Variants in KCND2 observed in about 807,000 individuals in gnomAD.
The protein encoded by KCND2 is A-type voltage-gated potassium channel KCND2.
In KCND2, 16 loss-of-function variants were observed where a neutral mutation model predicts 54.4. That is an observed-to-expected ratio of 0.29 (90% CI 0.20 to 0.45). The LOEUF (loss-of-function observed/expected upper bound fraction) is 0.45, where lower values mean the gene tolerates loss of function less well. KCND2 is among the 20% of genes least tolerant of loss of function. KCND2 has a pLI of 1.00. For synonymous variants in KCND2, 317 were observed against 310.7 expected, an observed-to-expected ratio of 1.02 and a Z score of -0.21; for missense variants, 486 against 824.2, an observed-to-expected ratio of 0.59 and a Z score of 5.02.
At chr7:120,707,789 T>C (rs2116054704) in intron 1 of KCND2, among the ~76,000 whole-genome samples, 1 of 152,090 alleles carries the variant, frequency 6.6e-6, no homozygotes, top group Middle Eastern at 3.4e-3. Flanking sequence ...GGGCTCTGGG[T>C]GGTCAAGGAA....
intron 1 of KCND2, among the ~76,000 whole-genome samples, chr7:120,418,438 A>G (rs563379149): frequency 6.6e-6 from 1 of 151,300 alleles, no homozygotes; most frequent in South Asian, 2.1e-4. Context: ...AGTATAGGCT[A>G]CTTTCAGCAA....
intron 1 of KCND2, among the ~76,000 whole-genome samples, chr7:120,395,810 A>G (rs1483442596): frequency 2.6e-5 from 4 of 151,914 alleles, no homozygotes; most frequent in Non-Finnish European, 2.9e-5. Context: ...CTGTGAGGAC[A>G]CTGGAGGTTG....
intron 1 of KCND2, among the ~76,000 whole-genome samples, chr7:120,324,715 A>C (rs1351813265): frequency 6.6e-6 from 1 of 151,778 alleles, no homozygotes; most frequent in Non-Finnish European, 1.5e-5. Flanking sequence ...TTGTAGTATA[A>C]TTTGAAGTCA....
chr7:120,494,957 G>A (rs1802829664), intron 1 of KCND2, among the ~76,000 whole-genome samples: 1 of 152,158 alleles, frequency 6.6e-6, no homozygotes, highest in African/African-American at 2.4e-5. Flanking sequence ...CCCACTGCTA[G>A]TTGATCACCA....
chr7:120,538,327 A>T (rs1791936937), intron 1 of KCND2, among the ~76,000 whole-genome samples: 2 of 152,256 alleles, frequency 1.3e-5, no homozygotes, highest in Non-Finnish European at 2.9e-5. Flanking sequence ...ATCACTGATC[A>T]CAGATTACAG....
At chr7:120,660,860 T>C (rs1454857204) in intron 1 of KCND2, among the ~76,000 whole-genome samples, 1 of 152,202 alleles carries the variant, frequency 6.6e-6, no homozygotes, top group Non-Finnish European at 1.5e-5. Context: ...TTTCTAGAAA[T>C]TGAGATGGGT....
At chr7:120,743,085 T>C (rs547895772) in intron 4 of KCND2, among the ~76,000 whole-genome samples, 68 of 152,302 alleles carry the variant, frequency 4.5e-4, no homozygotes, top group African/African-American at 1.6e-3. Flanking sequence ...ATAGAAACTA[T>C]TCTCATTAGA....
At chr7:120,293,380 G>A (rs1285146282) in intron 1 of KCND2, among the ~76,000 whole-genome samples, 1 of 151,990 alleles carries the variant, frequency 6.6e-6, no homozygotes, top group African/African-American at 2.4e-5. Context: ...AAGGGAAGGA[G>A]AAGAGAAGGA....
At chr7:120,514,329 A>T (rs1334451250) in intron 1 of KCND2, among the ~76,000 whole-genome samples, 2 of 152,082 alleles carry the variant, frequency 1.3e-5, no homozygotes, top group African/African-American at 4.8e-5. Context: ...TTTCTAAAAA[A>T]ACTGTCAAAA....
chr7:120,501,250 A>G (rs1449125737), intron 1 of KCND2, among the ~76,000 whole-genome samples: 1 of 152,128 alleles, frequency 6.6e-6, no homozygotes, highest in Non-Finnish European at 1.5e-5. Context: ...TTGTAACTCA[A>G]TTTATGTGAT....
chr7:120,440,113 A>G (rs73435803), intron 1 of KCND2, among the ~76,000 whole-genome samples: 3,461 of 152,050 alleles, frequency 0.023, 142 homozygotes, highest in African/African-American at 0.079. Context: ...CATTCCTACC[A>G]ACAGTATATG....
chr7:120,678,343 T>TTATATATATATATATATATA (rs3067141), intron 1 of KCND2, among the ~76,000 whole-genome samples: 4 of 120,274 alleles, frequency 3.3e-5, no homozygotes, highest in African/African-American at 6.3e-5. Context: ...GTATGATTAT[T>TTATATATATATATATATATA]TATATATATA....
At chr7:120,585,647 T>G (rs1792588749) in intron 1 of KCND2, among the ~76,000 whole-genome samples, 1 of 151,958 alleles carries the variant, frequency 6.6e-6, no homozygotes. Context: ...AGAGGGCAGG[T>G]GTCATCCATA....
chr7:120,673,509 TTGTTTACCAAGTCA>T lies in KCND2; in HGVS notation c.1116-59389_1116-59376del, dbSNP rs201091920. Among the ~76,000 whole-genome samples, 56 of 152,224 alleles carry T rather than the reference TTGTTTACCAAGTCA, an allele frequency of 3.7e-4. 1 individual carries two copies. The East Asian group carries it at 9.6e-3, about 26-fold the overall frequency. ...CAGTTTTTTCATCCACCAATGTTACTTGTTTACCAAGTCATGTTCGTGCTGCAAATCTAAAATCC... is the reference window on the plus strand; with the variant it reads ...CAGTTTTTTCATCCACCAATGTTACTTGTTCGTGCTGCAAATCTAAAATCC... On this transcript the variant is annotated intron_variant, in intron 1 of 5. Transcript: ENST00000331113.
chr7:120,722,372 G>A (rs1792679010), intron 1 of KCND2, among the ~76,000 whole-genome samples: 1 of 152,116 alleles, frequency 6.6e-6, no homozygotes, highest in African/African-American at 2.4e-5. Flanking sequence ...GGAGTAATAT[G>A]GGCATGGCCA....
chr7:120,695,474 G>T (rs559221151), intron 1 of KCND2, among the ~76,000 whole-genome samples: 1 of 152,244 alleles, frequency 6.6e-6, no homozygotes, highest in East Asian at 1.9e-4. Flanking sequence ...AGTGCCAGTG[G>T]ATTGTCACAT....
At chr7:120,645,449 G>A (rs1793428036) in intron 1 of KCND2, among the ~76,000 whole-genome samples, 2 of 151,902 alleles carry the variant, frequency 1.3e-5, no homozygotes, top group Non-Finnish European at 2.9e-5. Context: ...CTAACATAGG[G>A]TTCTGTGTCC....
chr7:120,640,727 A>T (rs1403029277), intron 1 of KCND2, among the ~76,000 whole-genome samples: 1 of 152,226 alleles, frequency 6.6e-6, no homozygotes, highest in African/African-American at 2.4e-5. Flanking sequence ...AATGCTGCTA[A>T]TAGTTCCTCT....
intron 1 of KCND2, among the ~76,000 whole-genome samples, chr7:120,568,683 C>T (rs1792327895): frequency 6.6e-6 from 1 of 152,058 alleles, no homozygotes. Context: ...TCTAACTTCC[C>T]TTGATTTGTT....
Sources: gnomAD v4.1 joint callset for allele counts (sites outside exome capture counted in the v4.1 genomes callset) on GRCh38, gnomAD v4.1.1 for gene constraint, MANE v1.5 for transcripts, NCBI Gene and HGNC (gene_info 2026-07-23, HGNC 2026-07-21) for gene names.